The following LINGO2 variants were observed in gnomAD, a reference collection of about 807,000 sequenced individuals.
LINGO2 encodes the protein leucine-rich repeat and immunoglobulin-like domain-containing nogo receptor-interacting protein 2.
A neutral mutation model predicts 30.6 loss-of-function variants in LINGO2; 14 were observed. The ratio of observed to expected loss-of-function variants is 0.46; its 90% CI spans 0.30 to 0.72. The LOEUF (loss-of-function observed/expected upper bound fraction) is 0.72, where lower values mean the gene tolerates loss of function less well. Among genes scored for constraint, LINGO2 ranks in the 30% least tolerant of loss-of-function variants. The pLI, the probability that LINGO2 is intolerant of heterozygous loss-of-function variation, is 0.07. For missense variants in LINGO2, 729 were observed against 751.7 expected (o/e 0.97, Z 0.35); for synonymous variants, 317 against 288.5 (o/e 1.10, Z -1.00).
the LINGO2 span, among the ~76,000 whole-genome samples, chr9:29,074,839 C>CTT: frequency 0.19 from 28,227 of 146,396 alleles, 2,731 homozygotes; most frequent in South Asian, 0.24. Flanking sequence ...AGCTAATTTG[C>CTT]TTTTTTTTTT....
chr9:28,271,369 A>G (rs1421816745), intron 4 of LINGO2, among the ~76,000 whole-genome samples: 1 of 152,162 alleles, frequency 6.6e-6, no homozygotes, highest in Non-Finnish European at 1.5e-5. Context: ...GAGGACAAAT[A>G]TTTTCACTGT....
chr9:28,366,101 C>T (rs1820662397), intron 3 of LINGO2, among the ~76,000 whole-genome samples: 1 of 152,136 alleles, frequency 6.6e-6, no homozygotes, highest in Admixed American at 6.5e-5. Flanking sequence ...TTCCTTAGTA[C>T]GGAAACAGTC....
At chr9:28,145,698 T>G (rs1279835868) in intron 4 of LINGO2, among the ~76,000 whole-genome samples, 2 of 152,140 alleles carry the variant, frequency 1.3e-5, no homozygotes, top group African/African-American at 4.8e-5. Flanking sequence ...CTCATCTTGC[T>G]GGATGTGAAA....
At chr9:28,281,203 C>T (rs1253584691) in intron 4 of LINGO2, among the ~76,000 whole-genome samples, 1 of 152,026 alleles carries the variant, frequency 6.6e-6, no homozygotes, top group African/African-American at 2.4e-5. Context: ...ATGTCGCTCT[C>T]TGCTAGCAGG....
the LINGO2 span, among the ~76,000 whole-genome samples, chr9:28,802,808 T>C: frequency 6.6e-6 from 1 of 152,066 alleles, no homozygotes; most frequent in African/African-American, 2.4e-5. Context: ...CTTCTTTCAA[T>C]CTGTTGCTAT....
rs1016150791 is a variant in LINGO2, at chr9:28,623,042, A to AT, written c.-365+47157dup. ...GCCCATTTTTAAATTAGATTATTAGATTTTTTTCCTACAGAGTTGTTTTTG... is the reference window on the plus strand; with the variant it reads ...GCCCATTTTTAAATTAGATTATTAGATTTTTTTTCCTACAGAGTTGTTTTTG... On this transcript the variant is annotated intron_variant, in intron 1 of 5. Transcript: ENST00000379992. Among the ~76,000 whole-genome samples the AT allele has an allele frequency of 2.4e-4, 36 of 151,702 alleles. 1 individual carries two copies. Among genetic ancestry groups the AT allele is most frequent in the Admixed American group, 6.6e-4 (10 of 15,226 alleles).
intron 1 of LINGO2, among the ~76,000 whole-genome samples, chr9:28,516,682 A>G (rs1355838680): frequency 3.3e-5 from 5 of 152,248 alleles, no homozygotes; most frequent in Non-Finnish European, 7.3e-5. Flanking sequence ...TGATATTCTC[A>G]TCAACATCGC....
At chr9:28,884,996 TTATA>T in the LINGO2 span, among the ~76,000 whole-genome samples, 685 of 15,880 alleles carry the variant, frequency 0.043, 44 homozygotes, top group African/African-American at 0.12. Flanking sequence ...TAATAATATA[TTATA>T]TATATATATA....
the LINGO2 span, among the ~76,000 whole-genome samples, chr9:29,188,569 G>A: frequency 6.6e-6 from 1 of 152,106 alleles, no homozygotes; most frequent in East Asian, 1.9e-4. Context: ...ATCATGGCCC[G>A]TTCTCAATGA....
intron 1 of LINGO2, among the ~76,000 whole-genome samples, chr9:28,579,127 G>C (rs1039167113): frequency 2.6e-5 from 4 of 151,236 alleles, no homozygotes; most frequent in African/African-American, 7.3e-5. Context: ...ATCCTTTATG[G>C]AAATGCTACA....
chr9:28,358,973 G>T (rs1406543782), intron 3 of LINGO2, among the ~76,000 whole-genome samples: 1 of 152,118 alleles, frequency 6.6e-6, no homozygotes, highest in Non-Finnish European at 1.5e-5. Flanking sequence ...TGTTGTCAAG[G>T]CTTGATAATT....
the LINGO2 span, among the ~76,000 whole-genome samples, chr9:28,832,481 A>C: frequency 2.6e-5 from 4 of 152,170 alleles, no homozygotes; most frequent in Non-Finnish European, 5.9e-5. Flanking sequence ...ATAATTTCTG[A>C]AGCATACAGT....
the LINGO2 span, among the ~76,000 whole-genome samples, chr9:28,883,628 G>GTATATA: frequency 2.3e-3 from 145 of 64,116 alleles, no homozygotes; most frequent in South Asian, 0.016. Flanking sequence ...ATGTGTGTGT[G>GTATATA]TATATATATA....
chr9:28,482,591 G>A (rs1826018478), intron 1 of LINGO2, among the ~76,000 whole-genome samples: 1 of 152,008 alleles, frequency 6.6e-6, no homozygotes, highest in Admixed American at 6.6e-5. Flanking sequence ...TCACTCTGAT[G>A]GTAGTTTCTT....
At chr9:28,815,292 T>C in the LINGO2 span, among the ~76,000 whole-genome samples, 3 of 152,206 alleles carry the variant, frequency 2.0e-5, no homozygotes, top group Middle Eastern at 3.2e-3. Flanking sequence ...CTTAATATAA[T>C]AGATTTGGAC....
At chr9:28,301,135 C>G (rs1824124829) in intron 3 of LINGO2, among the ~76,000 whole-genome samples, 1 of 152,060 alleles carries the variant, frequency 6.6e-6, no homozygotes, top group Admixed American at 6.6e-5. Flanking sequence ...TGACAAGGAG[C>G]CAGAGAGCCA....
chr9:28,022,628 T>C (rs1318104009), intron 4 of LINGO2, among the ~76,000 whole-genome samples: 2 of 151,722 alleles, frequency 1.3e-5, no homozygotes, highest in Non-Finnish European at 2.9e-5. Flanking sequence ...ATTCTGTTCT[T>C]GCTTGCATAA....
At chr9:28,206,164 CAAAAAAAAAAA>C (rs34169188) in intron 4 of LINGO2, among the ~76,000 whole-genome samples, 9 of 73,526 alleles carry the variant, frequency 1.2e-4, no homozygotes, top group Admixed American at 8.3e-4. Flanking sequence ...GACCCTGTTT[CAAAAAAAAAAA>C]AAAAAAAAAA....
chr9:28,125,445 T>C (rs760244019), intron 4 of LINGO2, among the ~76,000 whole-genome samples: 3 of 152,228 alleles, frequency 2.0e-5, no homozygotes, highest in Non-Finnish European at 2.9e-5. Context: ...AGCACATTAA[T>C]TTATGGAATA....
Sources: gnomAD v4.1 joint callset for allele counts (sites outside exome capture counted in the v4.1 genomes callset) on GRCh38, gnomAD v4.1.1 for gene constraint, MANE v1.5 for transcripts, NCBI Gene and HGNC (gene_info 2026-07-23, HGNC 2026-07-21) for gene names.